The following FRYL variants were observed in gnomAD, a reference collection of about 807,000 sequenced individuals.
FRYL encodes FRY like transcription coactivator.
Under a neutral mutation model 351.2 loss-of-function variants are expected in FRYL, and 150 were observed. The ratio of observed to expected loss-of-function variants is 0.43; its 90% confidence interval spans 0.37 to 0.49. FRYL has a LOEUF of 0.49. Among genes scored for constraint, FRYL ranks in the 20% least tolerant of loss-of-function variants. The probability of loss-of-function intolerance (pLI) is 0.00; values close to 1 mark genes in which losing one functional copy is unlikely to be tolerated. For synonymous variants in FRYL, 1,153 were observed against 1,257.1 expected (o/e 0.92, Z 1.75); for missense variants, 3,036 against 3,619.3 (o/e 0.84, Z 4.13).
chr4:48,507,174 C>T (rs1721275174), intron 59 of FRYL, among the ~76,000 whole-genome samples: 1 of 152,080 alleles, frequency 6.6e-6, no homozygotes, highest in South Asian at 2.1e-4. Context: ...CCTAATGATA[C>T]AGCCTTTTGG....
chr4:48,684,221 T>C (rs916328955), intron 3 of FRYL, among the ~76,000 whole-genome samples: 11 of 152,232 alleles, frequency 7.2e-5, no homozygotes, highest in African/African-American at 2.4e-4. Flanking sequence ...ATTGAAGATA[T>C]GTCTCTCTAC....
chr4:48,632,032 G>A (rs1227781853), intron 4 of FRYL, among the ~76,000 whole-genome samples: 2 of 109,112 alleles, frequency 1.8e-5, no homozygotes, highest in Non-Finnish European at 3.4e-5. Flanking sequence ...CAGCCTGGGA[G>A]ACACAGCAAG....
chr4:48,547,335 T>C, intron 41 of FRYL: 1 of 293,390 alleles, frequency 3.4e-6, no homozygotes, highest in Non-Finnish European at 6.2e-6. Flanking sequence ...AGTTTCATTA[T>C]GTCTTCAACT....
intron 31 of FRYL, among the ~76,000 whole-genome samples, chr4:48,563,320 C>T (rs896283382): frequency 6.6e-6 from 1 of 151,300 alleles, no homozygotes; most frequent in Non-Finnish European, 1.5e-5. Context: ...TTGTAATATC[C>T]ACCACCACAG....
chr4:48,736,459 T>C (rs980754400), intron 1 of FRYL, among the ~76,000 whole-genome samples: 2 of 151,788 alleles, frequency 1.3e-5, no homozygotes, highest in Non-Finnish European at 2.9e-5. Flanking sequence ...GCAGGTTAAC[T>C]AAGAAAAAAA....
intron 3 of FRYL, chr4:48,636,924 A>G (rs1754345544): frequency 6.6e-6 from 1 of 152,132 alleles, no homozygotes; most frequent in Non-Finnish European, 1.5e-5. Context: ...AATGCTAAAC[A>G]GATCTTTGAA....
chr4:48,562,580 T>G (rs1735769580), intron 32 of FRYL, among the ~76,000 whole-genome samples: 1 of 152,218 alleles, frequency 6.6e-6, no homozygotes, highest in Admixed American at 6.5e-5. Flanking sequence ...GGACACACAT[T>G]GTTCTCATCT....
chr4:48,521,277 C>T, intron 54 of FRYL, 62 bp from the exon 55 acceptor site: 1 of 1,239,570 alleles, frequency 8.1e-7, no homozygotes, highest in Admixed American at 2.1e-5. Flanking sequence ...AGGAAACATT[C>T]TCTATCATAA....
At chr4:48,536,848 G>A (rs1001295571) in intron 47 of FRYL, among the ~76,000 whole-genome samples, 6 of 152,026 alleles carry the variant, frequency 3.9e-5, no homozygotes, top group African/African-American at 9.7e-5. Flanking sequence ...TTGGTAATTC[G>A]GAAGATGTTT....
At chr4:48,713,016 G>C (rs1252862746) in intron 1 of FRYL, among the ~76,000 whole-genome samples, 1 of 151,974 alleles carries the variant, frequency 6.6e-6, no homozygotes, top group Non-Finnish European at 1.5e-5. Context: ...ATACTTTACA[G>C]ACAAGCAAAT....
intron 1 of FRYL, among the ~76,000 whole-genome samples, chr4:48,732,667 A>G (rs1770856989): frequency 6.6e-6 from 1 of 151,936 alleles, no homozygotes; most frequent in African/African-American, 2.4e-5. Context: ...TCAGCAAACT[A>G]TCACAAGATC....
At chr4:48,703,683 T>A (rs1767005597) in intron 2 of FRYL, among the ~76,000 whole-genome samples, 1 of 152,218 alleles carries the variant, frequency 6.6e-6, no homozygotes, top group Admixed American at 6.5e-5. Context: ...ACCTCTCCAA[T>A]GTAATAATGT....
At chr4:48,561,915 C>G (rs1371476552) in intron 32 of FRYL, among the ~76,000 whole-genome samples, 1 of 152,058 alleles carries the variant, frequency 6.6e-6, no homozygotes, top group Non-Finnish European at 1.5e-5. Flanking sequence ...ACTCAGGAGG[C>G]TGAGGGTGGA....
chr4:48,537,102 CATATTATT>C (rs1224715487), intron 47 of FRYL, among the ~76,000 whole-genome samples: 3 of 152,056 alleles, frequency 2.0e-5, no homozygotes, highest in Non-Finnish European at 4.4e-5. Context: ...AATAATTTAA[CATATTATT>C]AAAAATCGCA....
Position 48,634,284 on chromosome 4 carries a change from T to C in FRYL, c.120+7A>G. ...ATATTTCAGATTTATAGGTCAGCTG[T>C]ACTCACCAAGGGTTCGGCCATTACA... On this transcript the variant is annotated splice_region_variant and intron_variant, in intron 4 of 63. Transcript: ENST00000358350. The C allele has an allele frequency of 6.3e-7, 1 of 1,599,396 alleles. No individual in the cohort carries two copies. The highest frequency in any genetic ancestry group is 8.6e-7 in the Non-Finnish European group (1 of 1,166,606).
intron 47 of FRYL, among the ~76,000 whole-genome samples, chr4:48,539,185 T>C (rs1225887644): frequency 2.0e-5 from 3 of 152,068 alleles, no homozygotes; most frequent in Admixed American, 2.0e-4. Flanking sequence ...AGTATGATTT[T>C]TGAAGGTAAA....
intron 60 of FRYL, among the ~76,000 whole-genome samples, chr4:48,505,060 G>A (rs894239580): frequency 9.2e-5 from 14 of 152,056 alleles, no homozygotes; most frequent in African/African-American, 3.1e-4. Flanking sequence ...TTATGTATGT[G>A]CACCTTTCTA....
At position 48,510,089 on chromosome 4, in the gene FRYL, T is replaced by C. The variant is rs764070607; in HGVS notation, c.8364A>G (p.Thr2788=). 1.2e-6 allele frequency: 2 copies of C among 1,613,330 alleles called. No individual in the cohort carries two copies. Among genetic ancestry groups the C allele is most frequent in the African/African-American group, 1.3e-5 (1 of 74,892 alleles). ...GVLELQEHLD[T]YNVKREAAEQ... ...CAGCGGCTTCTCTTTTCACATTGTA[T>C]GTATCCAGGTGTTCTTGCAACTCCA... The change falls in exon 59 of 64, where the codon ACA becomes ACG. Residue 2788 remains threonine (T), a synonymous_variant. Coordinates refer to ENST00000358350, the MANE Select transcript of FRYL (RefSeq NM_015030.2).
intron 1 of FRYL, among the ~76,000 whole-genome samples, chr4:48,720,115 A>C (rs1172442112): frequency 2.0e-5 from 3 of 148,638 alleles, no homozygotes; most frequent in Non-Finnish European, 3.0e-5. Flanking sequence ...GTGCCACTGC[A>C]CTCCAGCCTG....
Sources: gnomAD v4.1 joint callset for allele counts (sites outside exome capture counted in the v4.1 genomes callset) on GRCh38, gnomAD v4.1.1 for gene constraint, MANE v1.5 for transcripts, NCBI Gene and HGNC (gene_info 2026-07-23, HGNC 2026-07-21) for gene names.